DGKB: variants seen among roughly 807,000 people sequenced by gnomAD.
The protein encoded by DGKB is diacylglycerol kinase beta.
Under a neutral mutation model 114.3 loss-of-function variants are expected in DGKB, and 67 were observed. That is an observed-to-expected ratio of 0.59 (90% CI 0.48 to 0.72). The LOEUF (loss-of-function observed/expected upper bound fraction) is 0.72, where lower values mean the gene tolerates loss of function less well. Ranked by LOEUF, DGKB falls within the 30% of genes least tolerant of loss-of-function variation. The pLI, the probability that DGKB is intolerant of heterozygous loss-of-function variation, is 0.00. For synonymous variants in DGKB, 398 were observed against 323.1 expected (o/e 1.23, Z -2.49); for missense variants, 907 against 975.2 (o/e 0.93, Z 0.93).
intron 23 of DGKB, among the ~76,000 whole-genome samples, chr7:14,302,848 G>C (rs532247239): frequency 6.6e-6 from 1 of 152,152 alleles, no homozygotes; most frequent in African/African-American, 2.4e-5. Flanking sequence ...TAAAATATTT[G>C]CTGTAATGTA....
intron 1 of DGKB, among the ~76,000 whole-genome samples, chr7:14,852,581 G>A (rs1390910132): frequency 6.7e-6 from 1 of 148,616 alleles, no homozygotes; most frequent in Admixed American, 6.7e-5. Flanking sequence ...GACATGTTTT[G>A]TTATTTTTGT....
chr7:14,866,157 G>A (rs539345435), intron 1 of DGKB, among the ~76,000 whole-genome samples: 22 of 152,198 alleles, frequency 1.4e-4, no homozygotes, highest in East Asian at 1.9e-4. Flanking sequence ...AAGGTACGGC[G>A]ATTTTTCTCA....
chr7:14,331,756 A>G (rs1265150035), intron 23 of DGKB, among the ~76,000 whole-genome samples: 1 of 152,174 alleles, frequency 6.6e-6, no homozygotes, highest in Non-Finnish European at 1.5e-5. Context: ...AGTTTTGCCA[A>G]GCTTTCACAG....
At chr7:14,507,073 A>G (rs1445981527) in intron 20 of DGKB, among the ~76,000 whole-genome samples, 2 of 152,346 alleles carry the variant, frequency 1.3e-5, no homozygotes, top group Admixed American at 6.5e-5. Context: ...AAAAGAGAGC[A>G]GCCTGACTGA....
chr7:14,358,559 C>T (rs976154590), intron 21 of DGKB, among the ~76,000 whole-genome samples: 18 of 152,112 alleles, frequency 1.2e-4, no homozygotes, highest in East Asian at 7.7e-4. Flanking sequence ...AAAACCCCAT[C>T]GTCTCAGCCC....
chr7:14,247,160 C>G (rs1469655919), intron 23 of DGKB, among the ~76,000 whole-genome samples: 2 of 152,096 alleles, frequency 1.3e-5, no homozygotes, highest in Middle Eastern at 3.2e-3. Flanking sequence ...TCACAAATGA[C>G]AAAATTTCCT....
intron 1 of DGKB, among the ~76,000 whole-genome samples, chr7:14,892,662 C>A (rs1781433524): frequency 6.6e-6 from 1 of 151,080 alleles, no homozygotes; most frequent in Admixed American, 6.6e-5. Flanking sequence ...TGGTCCAAAA[C>A]CTGTCTAATT....
At chr7:14,249,524 T>C (rs1369651181) in intron 23 of DGKB, among the ~76,000 whole-genome samples, 3 of 152,310 alleles carry the variant, frequency 2.0e-5, no homozygotes, top group South Asian at 2.1e-4. Context: ...TTACTCATTA[T>C]TGGTCTGTTC....
chr7:14,692,957 A>G (rs1025638159), intron 9 of DGKB, among the ~76,000 whole-genome samples: 1 of 152,140 alleles, frequency 6.6e-6, no homozygotes, highest in Non-Finnish European at 1.5e-5. Flanking sequence ...GCCCATTTAT[A>G]TATTCCTAAA....
intron 4 of DGKB, among the ~76,000 whole-genome samples, chr7:14,750,918 C>T (rs536674209): frequency 6.0e-5 from 9 of 150,042 alleles, no homozygotes; most frequent in African/African-American, 2.2e-4. Flanking sequence ...ATTCTCCTGC[C>T]TCAGCCTCCC....
intron 21 of DGKB, among the ~76,000 whole-genome samples, chr7:14,465,122 CAT>C (rs1400886584): frequency 6.6e-6 from 1 of 152,144 alleles, no homozygotes; most frequent in African/African-American, 2.4e-5. Flanking sequence ...CTCCTGGTAG[CAT>C]ATCGTACTCC....
intron 21 of DGKB, among the ~76,000 whole-genome samples, chr7:14,348,747 A>G (rs1232872342): frequency 6.6e-6 from 1 of 151,892 alleles, no homozygotes; most frequent in Non-Finnish European, 1.5e-5. Flanking sequence ...AACATACTTC[A>G]ATGATTCAGC....
intron 13 of DGKB, among the ~76,000 whole-genome samples, chr7:14,652,509 T>A (rs1814773969): frequency 6.6e-6 from 1 of 151,982 alleles, no homozygotes; most frequent in Non-Finnish European, 1.5e-5. Flanking sequence ...TCAAGATGGA[T>A]TAAAGACTTA....
chr7:14,817,317 A>T (rs1373471453), intron 2 of DGKB, among the ~76,000 whole-genome samples: 3 of 152,228 alleles, frequency 2.0e-5, no homozygotes, highest in Non-Finnish European at 4.4e-5. Flanking sequence ...ATCATAATAC[A>T]TGTATAGTTA....
chr7:14,157,847 T>A (rs1170430115), intron 25 of DGKB, among the ~76,000 whole-genome samples: 1 of 152,108 alleles, frequency 6.6e-6, no homozygotes, highest in African/African-American at 2.4e-5. Flanking sequence ...AAAATAGAAG[T>A]CAAAAACATA....
rs577135158 is a variant in DGKB at position 14,857,457 on chromosome 7, C to T, written c.-187-16007G>A. On this transcript the variant is annotated intron_variant, in intron 1 of 25. Coordinates refer to ENST00000402815, the MANE Select transcript of DGKB (RefSeq NM_001350709.2). Reference sequence around the variant, plus strand: ...AGACGTTAAGCAGAGAATTCACCTACACCAGGCTCAGATTCCTGATCTACA... The same window carrying T: ...AGACGTTAAGCAGAGAATTCACCTATACCAGGCTCAGATTCCTGATCTACA... Among the ~76,000 whole-genome samples the T allele has an allele frequency of 2.6e-5, 4 of 152,230 alleles. No individual in the cohort carries two copies. The South Asian group carries it at 6.2e-4, about 24-fold the overall frequency.
chr7:14,465,382 G>A (rs1380227450), intron 21 of DGKB, among the ~76,000 whole-genome samples: 1 of 152,146 alleles, frequency 6.6e-6, no homozygotes, highest in African/African-American at 2.4e-5. Flanking sequence ...GACTTTGAAA[G>A]AACAATCAAG....
At chr7:14,149,516 T>C (rs549413481) in intron 25 of DGKB, among the ~76,000 whole-genome samples, 1 of 152,276 alleles carries the variant, frequency 6.6e-6, no homozygotes, top group Admixed American at 6.5e-5. Context: ...ACCTCACTTG[T>C]AGCAATATTC....
intron 6 of DGKB, among the ~76,000 whole-genome samples, chr7:14,703,867 T>C (rs529643403): frequency 6.6e-6 from 1 of 152,310 alleles, no homozygotes; most frequent in East Asian, 1.9e-4. Context: ...CCCGTTTCTA[T>C]GTCTTTCCCA....
Sources: allele counts gnomAD v4.1 joint callset (sites outside exome capture counted in the v4.1 genomes callset), GRCh38; gene constraint gnomAD v4.1.1; transcripts MANE v1.5; gene names NCBI Gene and HGNC (gene_info 2026-07-23, HGNC 2026-07-21).